The following ZNF737 variants were observed in gnomAD, a reference collection of about 807,000 sequenced individuals.
ZNF737 encodes the protein zinc finger protein 737, also known as zinc finger protein 102 (Y3).
ZNF737 carries 13 observed loss-of-function variants against 11.7 expected under a neutral mutation model. The observed-to-expected ratio is 1.11, with a 90% confidence interval of 0.73 to 1.77. ZNF737 has a LOEUF of 1.77. ZNF737 is among the 40% of genes most tolerant of loss of function. The pLI is 0.00. For missense variants in ZNF737, 636 were observed against 638.0 expected, an observed-to-expected ratio of 1.00 and a Z score of 0.03; for synonymous variants, 217 against 216.2, an observed-to-expected ratio of 1.00 and a Z score of -0.03.
downstream of ZNF737, among the ~76,000 whole-genome samples, chr19:20,531,207 G>A (rs2044903640): frequency 1.4e-5 from 2 of 141,502 alleles, no homozygotes; most frequent in Non-Finnish European, 3.1e-5. Flanking sequence ...TGGCATGAGA[G>A]GGAGACCGTG....
chr19:20,540,992 T>TG lies in ZNF737; in HGVS notation c.*3599_*3600insC. On this transcript the variant is annotated 3_prime_UTR_variant, in exon 4 of 4. Coordinates refer to ENST00000427401, the MANE Select transcript of ZNF737 (RefSeq NM_001159293.2). ...TTCAAATAAGTGTTAAAAATGATTT[T>TG]TTTTTCCTGTTTTAAGAGGGCTTTT... 1 of 984,676 alleles carries TG rather than the reference T, an allele frequency of 1.0e-6. No homozygotes were observed. Among genetic ancestry groups the TG allele is most frequent in the South Asian group, 4.7e-5 (1 of 21,248 alleles). 61.0% of individuals were successfully genotyped at this position (984,676 alleles called of 1,614,324 possible). A position where few individuals can be genotyped will look rare whatever the true frequency, so the allele number is the denominator to read the frequency against.
intron 1 of ZNF737, among the ~76,000 whole-genome samples, chr19:20,557,260 T>C (rs1968921581): frequency 6.6e-6 from 1 of 152,108 alleles, no homozygotes; most frequent in African/African-American, 2.4e-5. Flanking sequence ...TTCAGGAAAT[T>C]GTGAGCACCA....
Position 20,555,428 on chromosome 19 carries a change from C to T in ZNF737, c.4-1593G>A, listed in dbSNP as rs560115350. 1.9e-4 allele frequency among the ~76,000 whole-genome samples: 29 copies of T among 152,142 alleles called. No individual in the cohort carries two copies. In the South Asian group the frequency reaches 5.0e-3, roughly 26 times the overall value. On this transcript the variant is annotated intron_variant, in intron 1 of 3. Coordinates refer to ENST00000427401, the MANE Select transcript of ZNF737 (RefSeq NM_001159293.2). ...CAATCTCCTGACCTCGGGATCTGCC[C>T]GCTTCAGCCTCCCAAAGTGCTGGGA...
downstream of ZNF737, among the ~76,000 whole-genome samples, chr19:20,533,440 TATAC>T (rs1348392217): frequency 6.7e-6 from 1 of 149,922 alleles, no homozygotes; most frequent in African/African-American, 2.5e-5. Flanking sequence ...TGTATATGAA[TATAC>T]ATACATGGTA....
At chr19:20,537,410 C>G (rs1968013308), downstream of ZNF737, among the ~76,000 whole-genome samples, 1 of 151,284 alleles carries the variant, frequency 6.6e-6, no homozygotes, top group Admixed American at 6.6e-5. Flanking sequence ...CCATGTTGGT[C>G]AGGCTGGTCT....
chr19:20,534,536 T>C (rs559521855), downstream of ZNF737, among the ~76,000 whole-genome samples: 3 of 150,434 alleles, frequency 2.0e-5, no homozygotes, highest in South Asian at 6.5e-4. Context: ...ATGTTAAGAA[T>C]CTGAAATTAT....
rs1555754389 is a variant in ZNF737, at chr19:20,538,509, T to C, written c.*6083A>G. On this transcript the variant is annotated 3_prime_UTR_variant, in exon 4 of 4. Coordinates refer to ENST00000427401, the MANE Select transcript of ZNF737 (RefSeq NM_001159293.2). The stretch of plus-strand genomic sequence containing the variant: ...TAGGGTGGACACGTCAAGTTATAAA[T>C]GACTCTGTCTCCTCTGTTCAGTGTA... 3.5e-6 allele frequency: 1 copy of C among 282,318 alleles called. No homozygotes were observed. The highest frequency in any genetic ancestry group is 1.7e-4 in the East Asian group (1 of 5,766). 17.5% of individuals were successfully genotyped at this position (282,318 alleles called of 1,614,324 possible). A position where few individuals can be genotyped will look rare whatever the true frequency, so the allele number is the denominator to read the frequency against.
intron 2 of ZNF737, among the ~76,000 whole-genome samples, 167 bp downstream of exon 2, chr19:20,553,539 CATG>C: frequency 6.6e-6 from 1 of 152,172 alleles, no homozygotes; most frequent in Non-Finnish European, 1.5e-5. Context: ...GGATTACAGG[CATG>C]AGGCACCAAA....
intron 1 of ZNF737, among the ~76,000 whole-genome samples, chr19:20,558,506 GT>G (rs1169519954): frequency 1.3e-5 from 2 of 151,032 alleles, no homozygotes; most frequent in African/African-American, 2.4e-5. Context: ...CTGCTGCATA[GT>G]TTTTTTTTAA....
chr19:20,565,247 A>G (rs1378210126), intron 1 of ZNF737, among the ~76,000 whole-genome samples: 4 of 152,138 alleles, frequency 2.6e-5, no homozygotes, highest in Non-Finnish European at 4.4e-5. Flanking sequence ...ATAAATTTTG[A>G]ATAGCAGAAA....
In ZNF737 at chr19:20,543,768, A is replaced by G. The variant is rs1968314590; in HGVS notation, c.*824T>C. On this transcript the variant is annotated 3_prime_UTR_variant, in exon 4 of 4. Transcript: ENST00000427401. ...AGAAGTTGGAGGTGTTCGTAAAAGCAATGTCACATTTTTTAGCTTTGCGGA... is the reference window on the plus strand; with the variant it reads ...AGAAGTTGGAGGTGTTCGTAAAAGCGATGTCACATTTTTTAGCTTTGCGGA... 4.1e-6 allele frequency: 4 copies of G among 985,292 alleles called. No homozygotes were observed. In the South Asian group the frequency reaches 1.4e-4, roughly 35 times the overall value. The allele number at this position is 985,292 out of a possible 1,614,324, so 61.0% of individuals were successfully genotyped here.
At position 20,543,229 on chromosome 19, in the gene ZNF737, A is replaced by T; in HGVS notation, c.*1363T>A. The stretch of plus-strand genomic sequence containing the variant: ...GGAAAAAAAAGTGTTTCTAAACTTA[A>T]TACATTTGTAGGACTCATCTCCAAT... On this transcript the variant is annotated 3_prime_UTR_variant, in exon 4 of 4. Transcript: ENST00000427401. The T allele has an allele frequency of 1.0e-6, 1 of 985,390 alleles. No homozygotes were observed. The highest frequency in any genetic ancestry group is 1.2e-6 in the Non-Finnish European group (1 of 829,878). 61.0% of individuals were successfully genotyped at this position (985,390 alleles called of 1,614,324 possible).
At position 20,541,977 on chromosome 19, in the gene ZNF737, A is replaced by C; in HGVS notation, c.*2615T>G. 5 of 967,020 alleles carry C rather than the reference A, an allele frequency of 5.2e-6. No individual in the cohort carries two copies. The highest frequency in any genetic ancestry group is 6.1e-6 in the Non-Finnish European group (5 of 813,298). 59.9% of individuals were successfully genotyped at this position (967,020 alleles called of 1,614,324 possible). On this transcript the variant is annotated 3_prime_UTR_variant, in exon 4 of 4. Transcript: ENST00000427401. ...TATTATATACCCACGAATACAAATA[A>C]AAAATTTAAATAATAAAGAGTCAAA...
Position 20,552,476 on chromosome 19 carries a change from T to C in ZNF737, c.225A>G (p.Ser75=), listed in dbSNP as rs781817806. Residue 75 remains serine, a splice_region_variant and synonymous_variant, in exon 3 of 4, where the codon TCA becomes TCG. Coordinates refer to ENST00000427401, the MANE Select transcript of ZNF737 (RefSeq NM_001159293.2). The part of the protein sequence containing the change: ...MKKHEMVANP[S]VTCSHFARDL... ...ATATTCATTTTCACTTGCACCTACC[T>C]GAGGGGTTGGCTACCATCTCATGTT... is the stretch of plus-strand genomic sequence containing the variant. 18 of 1,581,888 alleles carry C rather than the reference T, an allele frequency of 1.1e-5. No individual in the cohort carries two copies. The South Asian group carries it at 1.9e-4, about 17-fold the overall frequency.
intron 1 of ZNF737, among the ~76,000 whole-genome samples, chr19:20,557,475 C>G (rs1311527798): frequency 9.4e-6 from 1 of 106,164 alleles, no homozygotes; most frequent in Non-Finnish European, 1.9e-5. Context: ...TTTGTTTTTT[C>G]TAAGCTTACC....
downstream of ZNF737, among the ~76,000 whole-genome samples, chr19:20,530,858 T>G (rs1300576331): frequency 6.8e-6 from 1 of 147,734 alleles, no homozygotes; most frequent in Non-Finnish European, 1.5e-5. Flanking sequence ...TCTCTGCACT[T>G]TGGGGGGCCA....
Position 20,539,300 on chromosome 19 carries a change from AAAG to A in ZNF737, c.*5289_*5291del, listed in dbSNP as rs1968105415. 1.0e-6 allele frequency: 1 copy of A among 984,026 alleles called. No individual in the cohort carries two copies. The highest frequency in any genetic ancestry group is 1.2e-6 in the Non-Finnish European group (1 of 828,712). 61.0% of individuals were successfully genotyped at this position (984,026 alleles called of 1,614,324 possible). On this transcript the variant is annotated 3_prime_UTR_variant, in exon 4 of 4. Transcript: ENST00000427401. ...GTGAGAATCCTTCTAAAAAAAAAAA[AAAG>A]AAATTCTTTCTTCAATTACTTGGAA...
At chr19:20,546,067 A>G (rs1197173316) in intron 3 of ZNF737, 91 bp from the exon 4 acceptor site, 3 of 1,401,194 alleles carry the variant, frequency 2.1e-6, no homozygotes, top group African/African-American at 2.9e-5. Context: ...TACAAACTAC[A>G]TAAGCAAGAT....
intron 1 of ZNF737, among the ~76,000 whole-genome samples, chr19:20,561,708 A>G (rs1370665845): frequency 6.7e-6 from 1 of 149,920 alleles, no homozygotes; most frequent in African/African-American, 2.5e-5. Context: ...GACACCACCG[A>G]GAGTCAACAC....
Sources: gnomAD v4.1 joint callset for allele counts (sites outside exome capture counted in the v4.1 genomes callset) on GRCh38, gnomAD v4.1.1 for gene constraint, MANE v1.5 for transcripts, NCBI Gene and HGNC (gene_info 2026-07-23, HGNC 2026-07-21) for gene names.